The following SCRIB variants were observed in gnomAD, a reference collection of about 807,000 sequenced individuals.
The protein encoded by SCRIB is scribble planar cell polarity protein.
Under a neutral mutation model 170.0 loss-of-function variants are expected in SCRIB, and 72 were observed. That is an observed-to-expected ratio of 0.42 (90% CI 0.35 to 0.52). The LOEUF is 0.52. Among genes scored for constraint, SCRIB ranks in the 20% least tolerant of loss-of-function variants. The pLI is 0.02. For missense variants in SCRIB, 2,475 were observed against 2,338.5 expected, an observed-to-expected ratio of 1.06 and a Z score of -1.20; for synonymous variants, 1,298 against 1,044.3, an observed-to-expected ratio of 1.24 and a Z score of -4.68.
At chr8:143,802,926 C>T (rs1217768874) in intron 24 of SCRIB, among the ~76,000 whole-genome samples, 1 of 152,168 alleles carries the variant, frequency 6.6e-6, no homozygotes, top group Non-Finnish European at 1.5e-5. Context: ...GAGTCATGGC[C>T]CAGGGATGGG....
At chr8:143,794,040 G>C in intron 27 of SCRIB, 78 bp from the exon 28 acceptor site, 2 of 1,434,364 alleles carry the variant, frequency 1.4e-6, no homozygotes, top group East Asian at 2.4e-5. Context: ...GGGCCCTGGG[G>C]CTTGCCTAAA....
chr8:143,805,835 G>C (rs769514731), intron 18 of SCRIB, among the ~76,000 whole-genome samples: 11 of 152,224 alleles, frequency 7.2e-5, no homozygotes, highest in Non-Finnish European at 1.2e-4. Flanking sequence ...CCCACGCAAA[G>C]GTCAGGAGAG....
At position 143,808,696 on chromosome 8, in the gene SCRIB, C is replaced by T. The variant is rs748379083; in HGVS notation, c.2028G>A (p.Glu676=). The change falls in exon 15 of 37, where the codon GAG becomes GAA. Residue 676 remains glutamate (E), a synonymous_variant. Coordinates refer to ENST00000356994, the MANE Select transcript of SCRIB (RefSeq NM_182706.5). ...CCTCTTCAGCCCTGTTTTCCTCCTCCTCCTCTTCCTCCTCCTCCTGAGGAC... is the reference window on the plus strand; with the variant it reads ...CCTCTTCAGCCCTGTTTTCCTCCTCTTCCTCTTCCTCCTCCTCCTGAGGAC... ...EGSPQEEEEE[E]EEENRAEEEE... is the part of the protein sequence containing the mutation. 4.7e-5 allele frequency: 73 copies of T among 1,551,374 alleles called. No homozygotes were observed. Among genetic ancestry groups the T allele is most frequent in the Non-Finnish European group, 6.3e-5 (72 of 1,150,928 alleles).
chr8:143,812,998 C>A (rs200654758), intron 7 of SCRIB, 32 bp downstream of exon 7: 2 of 1,610,574 alleles, frequency 1.2e-6, no homozygotes, highest in Admixed American at 1.7e-5. Flanking sequence ...CGGATGGGCA[C>A]GAAGCAGGGG....
chr8:143,813,535 G>C lies in SCRIB; in HGVS notation c.447-9C>G, dbSNP rs753860905. On this transcript the variant is annotated splice_polypyrimidine_tract_variant and intron_variant, in intron 4 of 36. Transcript: ENST00000356994. ...TCACCAGGTTGGCGAGGCTGAAAGAGAGACCAGGCGCTGGGGCAAGAGGAA... is the reference window on the plus strand; with the variant it reads ...TCACCAGGTTGGCGAGGCTGAAAGACAGACCAGGCGCTGGGGCAAGAGGAA... The C allele has an allele frequency of 1.9e-6, 3 of 1,613,264 alleles. No homozygotes were observed. The highest frequency in any genetic ancestry group is 4.5e-5 in the East Asian group (2 of 44,882).
intron 8 of SCRIB, 80 bp from the exon 9 acceptor site, chr8:143,812,464 A>G (rs1563807250): frequency 5.4e-6 from 6 of 1,108,872 alleles, no homozygotes; most frequent in Non-Finnish European, 6.9e-6. Context: ...AGCGCCCTCA[A>G]GGCAGACAGC....
intron 24 of SCRIB, among the ~76,000 whole-genome samples, chr8:143,798,532 T>C (rs1389642670): frequency 2.0e-5 from 3 of 152,196 alleles, no homozygotes; most frequent in Non-Finnish European, 4.4e-5. Flanking sequence ...ATTCCTGGGC[T>C]CGAGCGATCC....
At chr8:143,795,211 AC>A in intron 26 of SCRIB, 65 bp downstream of exon 26, 2 of 1,605,984 alleles carry the variant, frequency 1.2e-6, no homozygotes. Flanking sequence ...ACTACCCAGC[AC>A]CCCACAGGCA....
chr8:143,815,145 G>A (rs1816013088), intron 1 of SCRIB, 69 bp downstream of exon 1: 2 of 1,431,690 alleles, frequency 1.4e-6, no homozygotes, highest in Non-Finnish European at 1.8e-6. Context: ...CGCCCGGGCA[G>A]ATTCTGCCGC....
Position 143,808,764 on chromosome 8 carries a change from C to T in SCRIB, c.1960G>A (p.Ala654Thr). ...GWHNGPHAPW[A>T]PRAQKEEEEE... ...TCCTCCTCCTTCTGGGCCCGAGGAG[C>T]CCAGGGTGCGTGGGGGCCATTGTGC... Residue 654 changes from alanine (A) to threonine (T), a missense_variant, in exon 15 of 37, where the codon GCT becomes ACT. Coordinates refer to ENST00000356994, the MANE Select transcript of SCRIB (RefSeq NM_182706.5). 3.7e-6 allele frequency: 6 copies of T among 1,609,164 alleles called. No individual in the cohort carries two copies. The highest frequency in any genetic ancestry group is 5.1e-6 in the Non-Finnish European group (6 of 1,177,406).
chr8:143,808,695 C>T lies in SCRIB; in HGVS notation c.2029G>A (p.Glu677Lys). The T allele has an allele frequency of 6.4e-7, 1 of 1,550,962 alleles. No homozygotes were observed. Among genetic ancestry groups the T allele is most frequent in the Non-Finnish European group, 8.7e-7 (1 of 1,150,768 alleles). ...GSPQEEEEEE[E>K]EENRAEEEEA... is the part of the protein sequence containing the mutation. ...TCCTCTTCAGCCCTGTTTTCCTCCT[C>T]CTCCTCTTCCTCCTCCTCCTGAGGA... Residue 677 changes from glutamate to lysine, a missense_variant, in exon 15 of 37, where the codon GAG becomes AAG. Coordinates refer to ENST00000356994, the MANE Select transcript of SCRIB (RefSeq NM_182706.5).
rs370897801 is a variant in SCRIB at position 143,795,337 on chromosome 8, T to TGAGCA, written c.3715-9_3715-5dup. 462 of 1,612,802 alleles carry TGAGCA rather than the reference T, an allele frequency of 2.9e-4. 1 individual carries two copies. The African/African-American group carries it at 4.4e-3, about 15-fold the overall frequency. On this transcript the variant is annotated splice_region_variant and splice_polypyrimidine_tract_variant and intron_variant, in intron 25 of 36. Coordinates refer to ENST00000356994, the MANE Select transcript of SCRIB (RefSeq NM_182706.5). The stretch of plus-strand genomic sequence containing the variant: ...TCTGTCCAGGCAGCTCCTTCTCCTG[T>TGAGCA]GAGCAGAGCAGAGCAGACCCGTCAG...
At chr8:143,798,381 C>T (rs527640175) in intron 24 of SCRIB, among the ~76,000 whole-genome samples, 7 of 152,338 alleles carry the variant, frequency 4.6e-5, no homozygotes, top group South Asian at 2.1e-4. Flanking sequence ...ACACAGGATG[C>T]GGACTGTACG....
chr8:143,797,091 G>C (rs929568205), intron 24 of SCRIB, among the ~76,000 whole-genome samples: 3 of 152,148 alleles, frequency 2.0e-5, no homozygotes, highest in East Asian at 1.9e-4. Context: ...TGAGAGAAAG[G>C]GGCAACTCCA....
intron 35 of SCRIB, 24 bp downstream of exon 35, chr8:143,791,624 CGGACAGGGTGGCAGGCAT>C: frequency 6.4e-7 from 1 of 1,555,398 alleles, no homozygotes. Context: ...GTGGCAGGCA[CGGACAGGGTGGCAGGCAT>C]GCAGAGGCCT....
intron 24 of SCRIB, among the ~76,000 whole-genome samples, chr8:143,800,431 G>A (rs914794876): frequency 7.2e-5 from 11 of 152,212 alleles, no homozygotes; most frequent in Non-Finnish European, 1.6e-4. Flanking sequence ...GGGGCTCTGC[G>A]GGAGGGGACA....
Position 143,808,705 on chromosome 8 carries a change from C to T in SCRIB, c.2019G>A (p.Glu673=). ...EEEEGSPQEE[E]EEEEEENRAE... ...CCCTGTTTTCCTCCTCCTCCTCTTC[C>T]TCCTCCTCCTGAGGACTACCCTCTT... The change falls in exon 15 of 37, where the codon GAG becomes GAA. Residue 673 remains glutamate (E), a synonymous_variant. Transcript: ENST00000356994. 1.3e-6 allele frequency: 2 copies of T among 1,559,834 alleles called. No individual in the cohort carries two copies. The highest frequency in any genetic ancestry group is 1.4e-5 in the African/African-American group (1 of 73,236).
chr8:143,802,397 G>A (rs1026892925), intron 24 of SCRIB, among the ~76,000 whole-genome samples: 7 of 152,258 alleles, frequency 4.6e-5, no homozygotes, highest in African/African-American at 1.2e-4. Flanking sequence ...AGGGGCCGCC[G>A]CATCCCAGAG....
rs371647774 is a variant in SCRIB at position 143,792,211 on chromosome 8, G to C, written c.4514+9C>G. On this transcript the variant is annotated intron_variant, in intron 32 of 36. Transcript: ENST00000356994. ...CAGGGCGGGGTGGCGACCCCACACA[G>C]GGGCTCACCTGGCTGCCCTCCACAG... The C allele has an allele frequency of 1.9e-6, 3 of 1,558,366 alleles. No individual in the cohort carries two copies. Among genetic ancestry groups the C allele is most frequent in the South Asian group, 1.2e-5 (1 of 84,898 alleles).
Sources: gnomAD v4.1 joint callset for allele counts (sites outside exome capture counted in the v4.1 genomes callset) on GRCh38, gnomAD v4.1.1 for gene constraint, MANE v1.5 for transcripts, NCBI Gene and HGNC (gene_info 2026-07-23, HGNC 2026-07-21) for gene names.